The following PCDH17 variants were observed in gnomAD, a reference collection of about 807,000 sequenced individuals.
The protein encoded by PCDH17 is protocadherin 17.
PCDH17 carries 21 observed loss-of-function variants against 67.7 expected under a neutral mutation model. The observed-to-expected ratio is 0.31, with a 90% confidence interval of 0.22 to 0.45. PCDH17 has a LOEUF of 0.45. Ranked by LOEUF, PCDH17 falls within the 20% of genes least tolerant of loss-of-function variation. The pLI is 1.00. For synonymous variants in PCDH17, 701 were observed against 656.7 expected (o/e 1.07, Z -1.03); for missense variants, 1,471 against 1,564.8 (o/e 0.94, Z 1.01).
chr13:57,635,418 G>A (rs1167429311), intron 1 of PCDH17, among the ~76,000 whole-genome samples: 1 of 151,418 alleles, frequency 6.6e-6, no homozygotes, highest in African/African-American at 2.4e-5. Context: ...TTTATTTGTT[G>A]GTTTACATTT....
At chr13:57,686,461 CA>C (rs1386079855) in intron 3 of PCDH17, among the ~76,000 whole-genome samples, 1 of 151,808 alleles carries the variant, frequency 6.6e-6, no homozygotes. Context: ...AATGACTCTA[CA>C]AACAAATTGT....
At chr13:57,723,705 TA>T (rs1555288940) in intron 3 of PCDH17, among the ~76,000 whole-genome samples, 1 of 152,170 alleles carries the variant, frequency 6.6e-6, no homozygotes, top group Non-Finnish European at 1.5e-5. Context: ...AGTTATGGTT[TA>T]AAATATTGGG....
chr13:57,674,822 T>C (rs1393543586), intron 3 of PCDH17, among the ~76,000 whole-genome samples: 3 of 151,994 alleles, frequency 2.0e-5, no homozygotes, highest in Non-Finnish European at 4.4e-5. Context: ...TTTGAGAGCA[T>C]GTTCCAATAT....
intron 1 of PCDH17, among the ~76,000 whole-genome samples, chr13:57,643,690 TATC>T (rs1156429163): frequency 1.3e-5 from 2 of 151,682 alleles, no homozygotes; most frequent in Non-Finnish European, 3.0e-5. Context: ...CCGTCTTTAT[TATC>T]ATTTTCATTG....
At position 57,726,775 on chromosome 13, in the gene PCDH17, A is replaced by G. The variant is rs1955919333; in HGVS notation, c.*1481A>G. The G allele has an allele frequency of 6.6e-6, 1 of 152,216 alleles. No individual in the cohort carries two copies. Among genetic ancestry groups the G allele is most frequent in the South Asian group, 2.1e-4 (1 of 4,830 alleles). 9.4% of individuals were successfully genotyped at this position (152,216 alleles called of 1,614,324 possible). On this transcript the variant is annotated 3_prime_UTR_variant, in exon 4 of 4. Coordinates refer to ENST00000377918, the MANE Select transcript of PCDH17 (RefSeq NM_001040429.3). ...TAACATACAGCTTCTGCCTGTGTAG[A>G]TATTATGCCATCAGTTGGTTCTCAA...
chr13:57,634,943 C>G lies in PCDH17; in HGVS notation c.2397C>G (p.Asp799Glu), dbSNP rs1954800331. 1.2e-6 allele frequency: 2 copies of G among 1,613,710 alleles called. No homozygotes were observed. Among genetic ancestry groups the G allele is most frequent in the African/African-American group, 1.3e-5 (1 of 75,048 alleles). Residue 799 changes from aspartate (D) to glutamate (E), a missense_variant, in exon 1 of 4, where the codon GAC becomes GAG. By Grantham distance (45) the Asp-to-Glu change is conservative. This residue lies in a region of PCDH17 where 1,163 missense variants were observed against 1,230.0 expected (regional missense o/e 0.95). Coordinates refer to ENST00000377918, the MANE Select transcript of PCDH17 (RefSeq NM_001040429.3). This position sits in a 1 kb window ranked among gnomAD's most constrained non-coding sequence, Gnocchi z 7.8. ...PSLATSPMYF[D>E]YQTRLPLSSP... ...TGGCCACCTCCCCCATGTACTTCGACTACCAGACCCGCCTGCCCCTCAGCT... is the reference window on the plus strand; with the variant it reads ...TGGCCACCTCCCCCATGTACTTCGAGTACCAGACCCGCCTGCCCCTCAGCT...
rs370854578 is a variant in PCDH17, at chr13:57,666,499, T to C, written c.2597T>C (p.Met866Thr). ...TDNFPAEPNYMGSRQQFVQSS... is the reference protein window; with the variant it reads ...TDNFPAEPNYTGSRQQFVQSS... ...AATTTTCCCGCAGAGCCCAATTACA[T>C]GGGCAGCAGGCAGCAGTTTGTTCAA... Residue 866 changes from methionine to threonine, a missense_variant, in exon 2 of 4, where the codon ATG (methionine) becomes ACG (threonine). Physicochemically the swap from Met to Thr is moderately conservative, Grantham distance 81. Coordinates refer to ENST00000377918, the MANE Select transcript of PCDH17 (RefSeq NM_001040429.3). 9 of 1,613,880 alleles carry C rather than the reference T, an allele frequency of 5.6e-6. No individual in the cohort carries two copies. In the African/African-American group the frequency reaches 1.2e-4, roughly 22 times the overall value.
chr13:57,634,686 A>G lies in PCDH17; in HGVS notation c.2140A>G (p.Thr714Ala). The G allele has an allele frequency of 6.2e-7, 1 of 1,613,744 alleles. No individual in the cohort carries two copies. The highest frequency in any genetic ancestry group is 1.1e-5 in the South Asian group (1 of 91,066). The change falls in exon 1 of 4, where the codon ACT (threonine) becomes GCT (alanine). Residue 714 changes from threonine to alanine, a missense_variant. Thr to Ala is a moderately conservative substitution (Grantham distance 58). This residue lies in a region of PCDH17 where 1,163 missense variants were observed against 1,230.0 expected (regional missense o/e 0.95). Transcript: ENST00000377918. The surrounding 1 kb of genome is among the most constrained non-coding windows in gnomAD (Gnocchi z 7.8). ...GCTGCCGCTCATCGTGACTCTGAGCACTATCTCCATCATCCTCCTAGCGGC... is the reference window on the plus strand; with the variant it reads ...GCTGCCGCTCATCGTGACTCTGAGCGCTATCTCCATCATCCTCCTAGCGGC... ...MSLPLIVTLS[T>A]ISIILLAAMI...
At chr13:57,645,271 G>A (rs907753217) in intron 1 of PCDH17, among the ~76,000 whole-genome samples, 2 of 151,570 alleles carry the variant, frequency 1.3e-5, no homozygotes, top group Admixed American at 1.3e-4. Flanking sequence ...ACCAGAAGCC[G>A]CATCCATCTT....
intron 1 of PCDH17, among the ~76,000 whole-genome samples, chr13:57,648,215 G>T (rs1033177666): frequency 4.0e-5 from 6 of 151,756 alleles, no homozygotes; most frequent in African/African-American, 1.4e-4. Context: ...ATATCCCCAG[G>T]TAGTATAAAT....
intron 1 of PCDH17, among the ~76,000 whole-genome samples, chr13:57,658,426 C>A (rs565237660): frequency 1.1e-4 from 16 of 152,256 alleles, no homozygotes; most frequent in African/African-American, 3.9e-4. Flanking sequence ...CATTCCTGAA[C>A]ATATTTTTAA....
At chr13:57,705,357 A>G (rs1331013549) in intron 3 of PCDH17, among the ~76,000 whole-genome samples, 1 of 152,080 alleles carries the variant, frequency 6.6e-6, no homozygotes, top group Non-Finnish European at 1.5e-5. Context: ...CTAGAAAAGT[A>G]GGAAAATTAT....
chr13:57,633,681 C>G lies in PCDH17; in HGVS notation c.1135C>G (p.Arg379Gly). Residue 379 changes from arginine to glycine, a missense_variant, in exon 1 of 4, where the codon CGG becomes GGG. Physicochemically the swap from Arg to Gly is moderately radical, Grantham distance 125. Around this residue, in one of 3 missense-constraint regions of PCDH17, gnomAD observed 1,163 missense variants for 1,230.0 expected, o/e 0.95. Transcript: ENST00000377918. This position sits in a 1 kb window ranked among gnomAD's most constrained non-coding sequence, Gnocchi z 6.2. The stretch of plus-strand genomic sequence containing the variant: ...CATCGCCCTGGTGCGGGTCACTGAC[C>G]GGGACTCTGGCAAGAACGGACAGCT... ...TVIALVRVTD[R>G]DSGKNGQLQC... is the part of the protein sequence containing the mutation. 1 of 1,598,538 alleles carries G rather than the reference C, an allele frequency of 6.3e-7. No individual in the cohort carries two copies. Among genetic ancestry groups the G allele is most frequent in the African/African-American group, 1.3e-5 (1 of 74,776 alleles).
At chr13:57,680,374 A>G (rs924190982) in intron 3 of PCDH17, among the ~76,000 whole-genome samples, 3 of 151,662 alleles carry the variant, frequency 2.0e-5, no homozygotes, top group African/African-American at 7.2e-5. Context: ...AGCAAGCCAT[A>G]GCATAATTTA....
At chr13:57,722,249 A>G (rs977281502) in intron 3 of PCDH17, among the ~76,000 whole-genome samples, 6 of 152,168 alleles carry the variant, frequency 3.9e-5, no homozygotes, top group Non-Finnish European at 5.9e-5. Context: ...TCTTAAATTC[A>G]TACTGAATTC....
At chr13:57,654,514 C>T (rs934803501) in intron 1 of PCDH17, among the ~76,000 whole-genome samples, 12 of 151,844 alleles carry the variant, frequency 7.9e-5, no homozygotes, top group African/African-American at 2.9e-4. Flanking sequence ...TAAAAGAATG[C>T]AGACCTATTG....
chr13:57,632,378 A>G lies in PCDH17; in HGVS notation c.-169A>G, dbSNP rs921296327. On this transcript the variant is annotated 5_prime_UTR_variant, in exon 1 of 4. Coordinates refer to ENST00000377918, the MANE Select transcript of PCDH17 (RefSeq NM_001040429.3). Reference sequence around the variant, plus strand: ...AACAGGTTCAGGGAACTTGAGCAGAATAAGGAGAGACCACCGGGTGCCGCA... The same window carrying G: ...AACAGGTTCAGGGAACTTGAGCAGAGTAAGGAGAGACCACCGGGTGCCGCA... 4 of 648,482 alleles carry G rather than the reference A, an allele frequency of 6.2e-6. No individual in the cohort carries two copies. The highest frequency in any genetic ancestry group is 1.1e-5 in the Non-Finnish European group (4 of 377,754). The allele number at this position is 648,482 out of a possible 1,614,324, so 40.2% of individuals were successfully genotyped here. A position where few individuals can be genotyped will look rare whatever the true frequency, so the allele number is the denominator to read the frequency against.
intron 1 of PCDH17, among the ~76,000 whole-genome samples, chr13:57,635,419 G>C (rs1368085367): frequency 1.3e-5 from 2 of 151,492 alleles, no homozygotes; most frequent in East Asian, 3.9e-4. Flanking sequence ...TTATTTGTTG[G>C]TTTACATTTC....
At chr13:57,705,770 CTT>C (rs1228169181) in intron 3 of PCDH17, among the ~76,000 whole-genome samples, 1 of 152,036 alleles carries the variant, frequency 6.6e-6, no homozygotes, top group African/African-American at 2.4e-5. Flanking sequence ...AATCCCAGGA[CTT>C]TGGGAGGCCG....
Sources: allele counts gnomAD v4.1 joint callset (sites outside exome capture counted in the v4.1 genomes callset), GRCh38; gene constraint gnomAD v4.1.1; regional missense constraint gnomAD v4.1.1; non-coding constraint Gnocchi (gnomAD v3.1); transcripts MANE v1.5; gene names NCBI Gene and HGNC (gene_info 2026-07-23, HGNC 2026-07-21).